PHF14: variants seen among roughly 807,000 people sequenced by gnomAD.
PHF14 encodes PHD finger protein 14.
Under a neutral mutation model 117.9 loss-of-function variants are expected in PHF14, and 55 were observed. The observed-to-expected ratio is 0.47, with a 90% CI of 0.38 to 0.58. The LOEUF (loss-of-function observed/expected upper bound fraction) is 0.58. PHF14 is among the 20% of genes least tolerant of loss of function. The pLI is 0.00. For missense variants in PHF14, 978 were observed against 1,122.2 expected, an observed-to-expected ratio of 0.87 and a Z score of 1.84; for synonymous variants, 409 against 368.6, an observed-to-expected ratio of 1.11 and a Z score of -1.26.
chr7:11,103,174 T>C, intron 16 of PHF14: 1 of 977,966 alleles, frequency 1.0e-6, no homozygotes, highest in Non-Finnish European at 1.2e-6. Flanking sequence ...GACTTATTAG[T>C]CCTAGTGTGA....
chr7:11,007,022 A>C (rs1413218260), intron 4 of PHF14: 2 of 314,148 alleles, frequency 6.4e-6, no homozygotes, highest in African/African-American at 4.4e-5. Flanking sequence ...CTAAAAATAC[A>C]AAAAATTTGC....
At chr7:11,126,326 C>T (rs1232615123) in intron 17 of PHF14, among the ~76,000 whole-genome samples, 1 of 152,034 alleles carries the variant, frequency 6.6e-6, no homozygotes, top group Non-Finnish European at 1.5e-5. Flanking sequence ...AAACAATTTT[C>T]AGAGTGTGAA....
chr7:11,152,259 T>A (rs1264772662), intron 17 of PHF14, among the ~76,000 whole-genome samples: 1 of 152,154 alleles, frequency 6.6e-6, no homozygotes, highest in African/African-American at 2.4e-5. Context: ...ACATACGGTA[T>A]ATTGAAAAGG....
At chr7:11,043,221 T>G (rs1024866097) in intron 13 of PHF14, among the ~76,000 whole-genome samples, 4 of 152,200 alleles carry the variant, frequency 2.6e-5, no homozygotes, top group East Asian at 3.9e-4. Flanking sequence ...GTATTTGGTA[T>G]TTGTGCTAGT....
At chr7:11,135,099 A>G (rs7801080) in intron 17 of PHF14, among the ~76,000 whole-genome samples, 2,181 of 152,186 alleles carry the variant, frequency 0.014, 49 homozygotes, top group African/African-American at 0.05. Context: ...GATGTACTCA[A>G]TGTCCCTGTA....
At position 11,139,914 on chromosome 7, in the gene PHF14, T is replaced by C. The variant is rs183762660; in HGVS notation, c.2772+28447T>C. On this transcript the variant is annotated intron_variant, in intron 17 of 17. Coordinates refer to ENST00000634607, the MANE Select transcript of PHF14 (RefSeq NM_001007157.2). ...CCAGCAAGTCCATATAATAATGATA[T>C]TGACTTTGAGATTCTTGTTAGACTA... 2.0e-3 allele frequency among the ~76,000 whole-genome samples: 298 copies of C among 152,272 alleles called. 2 individuals carry two copies. The highest frequency in any genetic ancestry group is 6.8e-3 in the African/African-American group (282 of 41,558).
In PHF14 at chr7:11,101,394, TACAG is replaced by T. The variant is rs560749874; in HGVS notation, c.2655-9952_2655-9949del. On this transcript the variant is annotated intron_variant, in intron 16 of 17. Coordinates refer to ENST00000634607, the MANE Select transcript of PHF14 (RefSeq NM_001007157.2). ...GCATTATACTTTTCCAGTAGTAAAC[TACAG>T]ACAAAGTAGTTCTCAGAGTATCAGA... Among the ~76,000 whole-genome samples the T allele has an allele frequency of 1.1e-3, 174 of 152,026 alleles. 1 individual carries two copies. The South Asian group carries it at 0.025, about 22-fold the overall frequency.
intron 17 of PHF14, among the ~76,000 whole-genome samples, chr7:11,160,504 A>C (rs1388848832): frequency 6.6e-6 from 1 of 152,170 alleles, no homozygotes; most frequent in Admixed American, 6.5e-5. Flanking sequence ...AAAAATTTAC[A>C]TTCCCACCAA....
intron 6 of PHF14, among the ~76,000 whole-genome samples, chr7:11,026,627 C>G (rs1353236671): frequency 2.6e-5 from 4 of 151,864 alleles, no homozygotes; most frequent in African/African-American, 7.2e-5. Flanking sequence ...TAATTGACTA[C>G]AGCTGTGTTG....
rs902332100 is a variant in PHF14, at chr7:11,130,359, GGA to G, written c.2772+18903_2772+18904del. Among the ~76,000 whole-genome samples, 5 of 151,910 alleles carry G rather than the reference GGA, an allele frequency of 3.3e-5. No individual in the cohort carries two copies. The highest frequency in any genetic ancestry group is 9.7e-5 in the African/African-American group (4 of 41,390). ...CATTCCAGGATTCAAGGAAATCCTT[GGA>G]GAGAGAGAGAACGTATATACAATTT... On this transcript the variant is annotated intron_variant, in intron 17 of 17. Transcript: ENST00000634607. This position sits in a 1 kb window ranked among gnomAD's most constrained non-coding sequence, Gnocchi z 4.2.
chr7:11,105,844 C>T (rs1787242427), intron 16 of PHF14: 1 of 984,420 alleles, frequency 1.0e-6, no homozygotes, highest in African/African-American at 1.7e-5. Context: ...ATGAGATTGA[C>T]ACCCAGCAAT....
intron 16 of PHF14, among the ~76,000 whole-genome samples, chr7:11,079,456 A>C (rs1222604787): frequency 6.6e-6 from 1 of 152,206 alleles, no homozygotes; most frequent in East Asian, 1.9e-4. Context: ...TATGTAGAAG[A>C]ATGAACCATG....
At chr7:11,001,416 G>T (rs960009430) in intron 4 of PHF14, among the ~76,000 whole-genome samples, 1 of 151,926 alleles carries the variant, frequency 6.6e-6, no homozygotes, top group Non-Finnish European at 1.5e-5. Flanking sequence ...GAGTCAGTTT[G>T]CAGTATCTAC....
At chr7:11,164,985 C>G (rs1446623936) in intron 17 of PHF14, among the ~76,000 whole-genome samples, 1 of 152,082 alleles carries the variant, frequency 6.6e-6, no homozygotes, top group African/African-American at 2.4e-5. Flanking sequence ...AGTGCAGTGG[C>G]GCGATCTCCG....
intron 16 of PHF14, chr7:11,106,349 A>T: frequency 1.0e-6 from 1 of 980,568 alleles, no homozygotes. Flanking sequence ...TAGTGGTATT[A>T]ATGAAATAGG....
At chr7:11,019,505 T>C (rs1783653764) in intron 5 of PHF14, among the ~76,000 whole-genome samples, 1 of 152,160 alleles carries the variant, frequency 6.6e-6, no homozygotes, top group Non-Finnish European at 1.5e-5. Flanking sequence ...CCATTTCTTT[T>C]AGATTTTCTA....
At chr7:11,036,344 AAATC>A in intron 8 of PHF14, 70 bp from the exon 9 acceptor site, 1 of 1,255,792 alleles carries the variant, frequency 8.0e-7, no homozygotes, top group Non-Finnish European at 1.1e-6. Flanking sequence ...ATGGGAATAA[AAATC>A]AATGTAAAAA....
At chr7:11,052,638 T>C (rs1277527511) in intron 14 of PHF14, among the ~76,000 whole-genome samples, 1 of 152,206 alleles carries the variant, frequency 6.6e-6, no homozygotes, top group Non-Finnish European at 1.5e-5. Context: ...GTCCAGTGTT[T>C]TAATGCTTTC....
chr7:11,135,507 C>T (rs1788194116), intron 17 of PHF14, among the ~76,000 whole-genome samples: 1 of 152,082 alleles, frequency 6.6e-6, no homozygotes, highest in Admixed American at 6.6e-5. Context: ...TGATACTATG[C>T]TGGCTGAACT....
Sources: allele counts gnomAD v4.1 joint callset (sites outside exome capture counted in the v4.1 genomes callset), GRCh38; gene constraint gnomAD v4.1.1; non-coding constraint Gnocchi (gnomAD v3.1); transcripts MANE v1.5; gene names NCBI Gene and HGNC (gene_info 2026-07-23, HGNC 2026-07-21).